The following ENTREP2 variants were observed in gnomAD, a reference collection of about 807,000 sequenced individuals.
ENTREP2 encodes the protein endosomal transmembrane epsin interactor 2, also known as protein ENTREP2.
chr15:29,393,410 C>T, the ENTREP2 span, among the ~76,000 whole-genome samples: 6 of 152,352 alleles, frequency 3.9e-5, no homozygotes, highest in South Asian at 2.1e-4. Flanking sequence ...CAGGCTCAGC[C>T]GCAGTGCTAT....
the ENTREP2 span, among the ~76,000 whole-genome samples, chr15:29,475,099 G>A: frequency 6.6e-6 from 1 of 152,070 alleles, no homozygotes; most frequent in Non-Finnish European, 1.5e-5. Context: ...AGCAAGCAAA[G>A]ACATGCGGCA....
the ENTREP2 span, among the ~76,000 whole-genome samples, chr15:29,281,884 T>C: frequency 6.6e-6 from 1 of 152,112 alleles, no homozygotes; most frequent in Admixed American, 6.5e-5. Flanking sequence ...GAGCGTGAAA[T>C]GCTGCTCAAG....
the ENTREP2 span, among the ~76,000 whole-genome samples, chr15:29,198,813 G>T: frequency 1.3e-5 from 2 of 152,100 alleles, no homozygotes; most frequent in Non-Finnish European, 2.9e-5. Context: ...TACCACTATA[G>T]TTTAGTTTCA....
At chr15:29,483,261 C>T in the ENTREP2 span, among the ~76,000 whole-genome samples, 15 of 152,200 alleles carry the variant, frequency 9.9e-5, no homozygotes, top group African/African-American at 2.9e-4. Context: ...ATAACTTCTG[C>T]AAATATTTTC....
chr15:29,301,230 TA>T, the ENTREP2 span, among the ~76,000 whole-genome samples: 33 of 152,328 alleles, frequency 2.2e-4, no homozygotes, highest in African/African-American at 7.5e-4. Flanking sequence ...TGTTATAAAA[TA>T]AAAAATAAGG....
the ENTREP2 span, among the ~76,000 whole-genome samples, chr15:29,557,176 CT>C: frequency 6.6e-6 from 1 of 152,188 alleles, no homozygotes; most frequent in African/African-American, 2.4e-5. Flanking sequence ...GTCTCAGGCC[CT>C]TGTGTTAATG....
At chr15:29,541,041 C>G in the ENTREP2 span, among the ~76,000 whole-genome samples, 1 of 152,284 alleles carries the variant, frequency 6.6e-6, no homozygotes, top group Middle Eastern at 3.4e-3. Context: ...AATGACAGAG[C>G]CAGAGCAGTT....
At chr15:29,472,905 G>A in the ENTREP2 span, among the ~76,000 whole-genome samples, 4 of 152,172 alleles carry the variant, frequency 2.6e-5, no homozygotes, top group East Asian at 1.9e-4. Flanking sequence ...ACTAGAAAGA[G>A]AATAAAAAAT....
the ENTREP2 span, among the ~76,000 whole-genome samples, chr15:29,294,019 G>A: frequency 5.9e-5 from 9 of 152,280 alleles, no homozygotes; most frequent in African/African-American, 1.9e-4. Flanking sequence ...CACCCCCCAT[G>A]TCACTGCCAA....
At chr15:29,301,732 TAA>T in the ENTREP2 span, among the ~76,000 whole-genome samples, 5 of 152,118 alleles carry the variant, frequency 3.3e-5, no homozygotes, top group African/African-American at 1.2e-4. Context: ...GTGATAGTAT[TAA>T]GAGGTGAGGT....
the ENTREP2 span, among the ~76,000 whole-genome samples, chr15:29,229,515 A>C: frequency 6.6e-6 from 1 of 152,098 alleles, no homozygotes. Flanking sequence ...TCAAACCACT[A>C]CTATCTGGTT....
At chr15:29,226,131 G>A in the ENTREP2 span, among the ~76,000 whole-genome samples, 51 of 152,296 alleles carry the variant, frequency 3.3e-4, no homozygotes, top group African/African-American at 1.2e-3. Flanking sequence ...TGCCGGACAC[G>A]GGGCGCTCCC....
chr15:29,359,903 CTATT>C, the ENTREP2 span, among the ~76,000 whole-genome samples: 3 of 152,246 alleles, frequency 2.0e-5, no homozygotes, highest in East Asian at 5.8e-4. Context: ...CTTCATCCCA[CTATT>C]TATTGTATAT....
chr15:29,176,825 T>A, the ENTREP2 span, among the ~76,000 whole-genome samples: 6 of 152,222 alleles, frequency 3.9e-5, no homozygotes, highest in Admixed American at 3.3e-4. Flanking sequence ...CTGATGTGCC[T>A]CTGCAGTTTT....
At chr15:29,572,470 A>T in the ENTREP2 span, among the ~76,000 whole-genome samples, 61 of 151,810 alleles carry the variant, frequency 4.0e-4, no homozygotes, top group Admixed American at 6.6e-4. Flanking sequence ...CATCTCCCCC[A>T]TTCATTCATT....
At chr15:29,456,651 G>A in the ENTREP2 span, among the ~76,000 whole-genome samples, 3 of 152,302 alleles carry the variant, frequency 2.0e-5, no homozygotes, top group Admixed American at 6.5e-5. Context: ...TGCCACCTAC[G>A]AAACCCTGGA....
the ENTREP2 span, among the ~76,000 whole-genome samples, chr15:29,176,780 A>G: frequency 6.6e-6 from 1 of 152,032 alleles, no homozygotes; most frequent in South Asian, 2.1e-4. Context: ...TCATCTTCCA[A>G]ATATTTACCA....
At chr15:29,600,898 C>CTTTTTTTTTTTTTTTTTTTTTTTT in the ENTREP2 span, among the ~76,000 whole-genome samples, 206 of 125,344 alleles carry the variant, frequency 1.6e-3, 30 homozygotes, top group Admixed American at 2.2e-3. Flanking sequence ...TATGATTTTT[C>CTTTTTTTTTTTTTTTTTTTTTTTT]TTTCTTTTTT....
At chr15:29,223,838 G>A in the ENTREP2 span, among the ~76,000 whole-genome samples, 7 of 152,156 alleles carry the variant, frequency 4.6e-5, no homozygotes, top group African/African-American at 1.4e-4. Context: ...CCCAGCAGAC[G>A]AAAAGCAGGC....
Sources: allele counts gnomAD v4.1 joint callset (sites outside exome capture counted in the v4.1 genomes callset), GRCh38; gene constraint gnomAD v4.1.1; transcripts MANE v1.5; gene names NCBI Gene and HGNC (gene_info 2026-07-23, HGNC 2026-07-21).